CEP112: variants seen among roughly 807,000 people sequenced by gnomAD.
The protein encoded by CEP112 is centrosomal protein of 112 kDa.
CEP112 carries 127 observed loss-of-function variants against 153.0 expected under a neutral mutation model. That is an observed-to-expected ratio of 0.83 (90% CI 0.72 to 0.96). CEP112 has a LOEUF of 0.96. Ranked by LOEUF, CEP112 falls within the 40% of genes least tolerant of loss-of-function variation. The pLI, the probability that CEP112 is intolerant of heterozygous loss-of-function variation, is 0.00. For missense variants in CEP112, 1,089 were observed against 1,101.2 expected (o/e 0.99, Z 0.16); for synonymous variants, 358 against 374.4 (o/e 0.96, Z 0.51).
chr17:65,950,699 C>CTATTAG (rs57598697), intron 18 of CEP112, among the ~76,000 whole-genome samples: 2 of 147,134 alleles, frequency 1.4e-5, no homozygotes, highest in African/African-American at 5.0e-5. Context: ...GGATACATTA[C>CTATTAG]TAGTAGTAGT....
chr17:65,921,154 A>G (rs1226879753), intron 19 of CEP112, among the ~76,000 whole-genome samples: 1 of 152,096 alleles, frequency 6.6e-6, no homozygotes, highest in Non-Finnish European at 1.5e-5. Flanking sequence ...TATTCAAACC[A>G]TATTTCCCCA....
intron 24 of CEP112, among the ~76,000 whole-genome samples, chr17:65,653,994 G>A (rs949922436): frequency 6.8e-6 from 1 of 147,450 alleles, no homozygotes; most frequent in Non-Finnish European, 1.5e-5. Context: ...AGGAGACAGA[G>A]GTTGCAGTAA....
At chr17:66,104,395 G>A (rs1384582670) in intron 6 of CEP112, among the ~76,000 whole-genome samples, 1 of 152,116 alleles carries the variant, frequency 6.6e-6, no homozygotes, top group African/African-American at 2.4e-5. Flanking sequence ...CGACTACCTT[G>A]AAAGAAAGGA....
At chr17:65,717,613 G>A (rs547140635) in intron 23 of CEP112, among the ~76,000 whole-genome samples, 1 of 152,276 alleles carries the variant, frequency 6.6e-6, no homozygotes, top group South Asian at 2.1e-4. Context: ...GTCCAGCACA[G>A]TGGGCCTACT....
intron 21 of CEP112, among the ~76,000 whole-genome samples, chr17:65,832,162 T>C (rs1485572573): frequency 2.0e-5 from 3 of 152,060 alleles, no homozygotes; most frequent in African/African-American, 7.2e-5. Flanking sequence ...AGATACAACA[T>C]ACCAGAATCT....
intron 25 of CEP112, among the ~76,000 whole-genome samples, chr17:65,639,795 T>C (rs1279763601): frequency 1.3e-5 from 2 of 151,434 alleles, no homozygotes; most frequent in African/African-American, 2.4e-5. Flanking sequence ...TTTTCTCACA[T>C]CGTGAACCAC....
chr17:66,071,583 C>G (rs1390280625), intron 8 of CEP112, among the ~76,000 whole-genome samples: 1 of 152,128 alleles, frequency 6.6e-6, no homozygotes, highest in African/African-American at 2.4e-5. Flanking sequence ...CAACACCTCT[C>G]ACCGGCCCTA....
chr17:65,953,620 G>A (rs1346096375), intron 18 of CEP112, among the ~76,000 whole-genome samples: 1 of 152,124 alleles, frequency 6.6e-6, no homozygotes, highest in African/African-American at 2.4e-5. Flanking sequence ...AGGACACAGT[G>A]GGAGTCAGAC....
intron 8 of CEP112, among the ~76,000 whole-genome samples, chr17:66,095,647 T>C (rs1233930653): frequency 1.3e-5 from 2 of 152,236 alleles, no homozygotes; most frequent in African/African-American, 2.4e-5. Flanking sequence ...AAAATCACTA[T>C]GAGAGTACAT....
chr17:66,029,804 A>G, intron 13 of CEP112, 65 bp downstream of exon 13: 1 of 1,356,050 alleles, frequency 7.4e-7, no homozygotes, highest in Non-Finnish European at 1.0e-6. Flanking sequence ...TTTGGCAGAT[A>G]ACTGATACAG....
rs187825058 is a variant in CEP112 at position 66,133,710 on chromosome 17, C to T, written c.471-947G>A. On this transcript the variant is annotated intron_variant, in intron 4 of 26. Transcript: ENST00000535342. ...CAAGATATATTAAATGGAAAATAACCATTATACAATGAATTAAAGTCACTA... is the reference window on the plus strand; with the variant it reads ...CAAGATATATTAAATGGAAAATAACTATTATACAATGAATTAAAGTCACTA... 3.9e-3 allele frequency among the ~76,000 whole-genome samples: 587 copies of T among 152,170 alleles called. 3 individuals are homozygous for T. The highest frequency in any genetic ancestry group is 0.01 in the Middle Eastern group (3 of 294).
chr17:65,792,959 C>G (rs781063957), intron 21 of CEP112, among the ~76,000 whole-genome samples: 2 of 152,062 alleles, frequency 1.3e-5, no homozygotes, highest in Non-Finnish European at 2.9e-5. Context: ...CGATTGAACA[C>G]CTCTTTTTAG....
At chr17:65,965,749 T>C (rs2062391813) in intron 17 of CEP112, among the ~76,000 whole-genome samples, 1 of 152,032 alleles carries the variant, frequency 6.6e-6, no homozygotes, top group Non-Finnish European at 1.5e-5. Context: ...CTCAAACTCC[T>C]GGACTCAAGC....
At chr17:66,164,450 C>T (rs1466873103) in intron 4 of CEP112, among the ~76,000 whole-genome samples, 4 of 150,650 alleles carry the variant, frequency 2.7e-5, no homozygotes, top group Non-Finnish European at 5.9e-5. Flanking sequence ...CCCAGCTACT[C>T]GGGAGGCTGG....
chr17:65,676,545 T>C (rs942752113), intron 24 of CEP112, among the ~76,000 whole-genome samples: 11 of 152,172 alleles, frequency 7.2e-5, no homozygotes, highest in African/African-American at 2.7e-4. Context: ...AAAATTTATA[T>C]AGAAATCAGA....
intron 21 of CEP112, among the ~76,000 whole-genome samples, chr17:65,826,891 T>C (rs139328865): frequency 0.016 from 2,510 of 152,218 alleles, 199 homozygotes; most frequent in Admixed American, 0.12. Flanking sequence ...TGTGAGGGTG[T>C]TGGCAAAGGA....
At chr17:65,636,915 T>TCTC in intron 26 of CEP112, 1 of 530,782 alleles carries the variant, frequency 1.9e-6, no homozygotes, top group South Asian at 2.9e-5. Flanking sequence ...CCCGGCAGAT[T>TCTC]CTCTCATCTT....
At chr17:65,826,132 T>G (rs773789895) in intron 21 of CEP112, 1 of 1,613,894 alleles carries the variant, frequency 6.2e-7, no homozygotes, top group Admixed American at 1.7e-5. Flanking sequence ...GTTGTCTTGT[T>G]CTTACCTTCT....
intron 20 of CEP112, among the ~76,000 whole-genome samples, chr17:65,860,441 G>C (rs1209918393): frequency 2.0e-5 from 3 of 152,162 alleles, no homozygotes; most frequent in African/African-American, 7.2e-5. Context: ...GACAAACATA[G>C]TACCATGACA....
Sources: gnomAD v4.1 joint callset for allele counts (sites outside exome capture counted in the v4.1 genomes callset) on GRCh38, gnomAD v4.1.1 for gene constraint, MANE v1.5 for transcripts, NCBI Gene and HGNC (gene_info 2026-07-23, HGNC 2026-07-21) for gene names.